Variants in KDM6A observed in about 807,000 individuals in gnomAD.
KDM6A encodes the protein lysine-specific demethylase 6A.
A neutral mutation model predicts 117.6 loss-of-function variants in KDM6A; 11 were observed. The ratio of observed to expected loss-of-function variants is 0.09; its 90% CI spans 0.06 to 0.15. KDM6A has a LOEUF of 0.15. Among genes scored for constraint, KDM6A ranks in the 10% least tolerant of loss-of-function variants. KDM6A has a pLI of 1.00. For missense variants in KDM6A, 799 were observed against 1,077.3 expected, an observed-to-expected ratio of 0.74 and a Z score of 3.62; for synonymous variants, 384 against 396.1, an observed-to-expected ratio of 0.97 and a Z score of 0.36.
intron 6 of KDM6A, 129 bp from the exon 7 acceptor site, chrX:45,034,802 G>T (rs915592808): frequency 7.4e-6 from 4 of 537,536 alleles, no homozygotes; most frequent in Admixed American, 5.1e-5. Flanking sequence ...TAGTTGGTAG[G>T]CTAGTGTATT....
chrX:44,978,675 A>C (rs773468430), intron 4 of KDM6A, among the ~76,000 whole-genome samples: 6 of 112,197 alleles, frequency 5.3e-5, no homozygotes, highest in Admixed American at 9.5e-5. Context: ...TGACAACTTA[A>C]ATAGTTGTAT....
At chrX:45,047,020 T>C (rs1283378547) in intron 8 of KDM6A, among the ~76,000 whole-genome samples, 1 of 106,909 alleles carries the variant, frequency 9.4e-6, no homozygotes, top group Non-Finnish European at 1.9e-5. Flanking sequence ...TTGGAGTGTC[T>C]AGTTCATTTA....
At chrX:45,003,545 C>T (rs1472119581) in intron 4 of KDM6A, among the ~76,000 whole-genome samples, 1 of 110,387 alleles carries the variant, frequency 9.1e-6, no homozygotes, top group East Asian at 2.8e-4. Flanking sequence ...TCAGTGGCCT[C>T]AGTGCTTTTG....
At chrX:45,109,956 A>G (rs1376928995) in intron 28 of KDM6A, 123 bp from the exon 29 acceptor site, 10 of 651,857 alleles carry the variant, frequency 1.5e-5, no homozygotes, top group Admixed American at 1.4e-4. Flanking sequence ...TTTTCTTACC[A>G]CCTACTCTTA....
chrX:45,014,625 G>A (rs927127248), intron 5 of KDM6A, among the ~76,000 whole-genome samples: 1 of 111,906 alleles, frequency 8.9e-6, no homozygotes, highest in Non-Finnish European at 1.9e-5. Context: ...GGGATACCTT[G>A]AACTGAGCTC....
intron 4 of KDM6A, among the ~76,000 whole-genome samples, chrX:45,003,779 CT>C (rs1264318982): frequency 9.2e-6 from 1 of 108,458 alleles, no homozygotes; most frequent in Non-Finnish European, 1.9e-5. Flanking sequence ...CTCTCTCTGT[CT>C]CTCTTTGACT....
intron 3 of KDM6A, 117 bp downstream of exon 3, chrX:44,961,509 T>C: frequency 2.0e-6 from 1 of 495,620 alleles, no homozygotes; most frequent in South Asian, 3.0e-5. Context: ...AACTAAACAA[T>C]GAGGAAGAAA....
intron 2 of KDM6A, among the ~76,000 whole-genome samples, chrX:44,899,139 G>T (rs923853275): frequency 1.0e-5 from 1 of 97,315 alleles, no homozygotes; most frequent in African/African-American, 3.9e-5. Context: ...TTTGTGGTGG[G>T]GTGTGTGTGT....
At chrX:45,053,722 A>C (rs1003686585) in intron 9 of KDM6A, 107 bp from the exon 10 acceptor site, 22 of 629,866 alleles carry the variant, frequency 3.5e-5, no homozygotes, top group Admixed American at 6.0e-5. Flanking sequence ...TAAATTAATA[A>C]ATTGACAGAA....
intron 2 of KDM6A, among the ~76,000 whole-genome samples, chrX:44,880,468 T>A (rs1370903873): frequency 4.7e-5 from 5 of 106,674 alleles, no homozygotes; most frequent in South Asian, 8.5e-4. Flanking sequence ...TTTTTTTTTT[T>A]AACACCGTAG....
rs762409573 is a variant in KDM6A at position 45,061,312 on chromosome X, G to C, written c.1486-12G>C. 1 of 1,073,293 alleles carries C rather than the reference G, an allele frequency of 9.3e-7. No individual in the cohort carries two copies. The highest frequency in any genetic ancestry group is 1.3e-6 in the Non-Finnish European group (1 of 778,068). The allele number at this position is 1,073,293 out of a possible 1,213,427, so 88.5% of individuals were successfully genotyped here. On this transcript the variant is annotated splice_polypyrimidine_tract_variant and intron_variant, in intron 14 of 29. Transcript: ENST00000611820. ...TATTCTTTAATTTTTTTTTTAAATC[G>C]ATTTTCCTCAGAATACTTCTGACAA...
chrX:45,096,300 C>T (rs769746318), intron 27 of KDM6A, among the ~76,000 whole-genome samples: 1 of 111,436 alleles, frequency 9.0e-6, no homozygotes, highest in Non-Finnish European at 1.9e-5. Flanking sequence ...TTACCTTGTG[C>T]CTTCTCATCC....
chrX:44,950,550 G>A, intron 2 of KDM6A, among the ~76,000 whole-genome samples: 1 of 109,506 alleles, frequency 9.1e-6, no homozygotes, highest in Non-Finnish European at 1.9e-5. Flanking sequence ...TGTCAATACA[G>A]CTTCTTTTTA....
chrX:45,028,854 GA>G (rs1464203845), intron 6 of KDM6A, among the ~76,000 whole-genome samples: 4 of 112,377 alleles, frequency 3.6e-5, no homozygotes, highest in Non-Finnish European at 7.5e-5. Context: ...CTTCAAGTGT[GA>G]ATTAGTAAAA....
intron 6 of KDM6A, among the ~76,000 whole-genome samples, chrX:45,033,044 G>A (rs747887640): frequency 3.6e-5 from 4 of 111,811 alleles, no homozygotes; most frequent in African/African-American, 9.8e-5. Flanking sequence ...ATTGAAGGCC[G>A]TTTCTTCTCA....
In KDM6A at chrX:44,977,508, C is replaced by T. The variant is rs371008794; in HGVS notation, c.384+2793C>T. Among the ~76,000 whole-genome samples the T allele has an allele frequency of 1.3e-3, 141 of 111,556 alleles. 4 individuals are homozygous for T. The South Asian group carries it at 0.052, about 41-fold the overall frequency. On this transcript the variant is annotated intron_variant, in intron 4 of 29. Transcript: ENST00000611820. ...TCAATCACTGGCCTCAAGTAATTCT[C>T]CCACCTCGGCCTCCCAAAGTGCTGG...
chrX:44,966,763 G>T (rs2039033342), intron 3 of KDM6A, among the ~76,000 whole-genome samples: 1 of 110,624 alleles, frequency 9.0e-6, no homozygotes, highest in Non-Finnish European at 1.9e-5. Context: ...AATATTTCAA[G>T]CTGGTGGTTT....
chrX:45,091,215 C>G (rs1439946602), intron 27 of KDM6A, among the ~76,000 whole-genome samples: 4 of 111,327 alleles, frequency 3.6e-5, no homozygotes, highest in East Asian at 5.6e-4. Context: ...TTTGTTGTCA[C>G]AGACAAATTA....
chrX:45,107,305 C>T, intron 27 of KDM6A, 105 bp from the exon 28 acceptor site: 1 of 783,991 alleles, frequency 1.3e-6, no homozygotes. Context: ...AAGTCATAGA[C>T]ATTAGAATCA....
Sources: allele counts gnomAD v4.1 joint callset (sites outside exome capture counted in the v4.1 genomes callset), GRCh38; gene constraint gnomAD v4.1.1; transcripts MANE v1.5; gene names NCBI Gene and HGNC (gene_info 2026-07-23, HGNC 2026-07-21).